The following FKBP6 variants were observed in gnomAD, a reference collection of about 807,000 sequenced individuals.
FKBP6 encodes the protein inactive peptidyl-prolyl cis-trans isomerase FKBP6.
FKBP6 carries 29 observed loss-of-function variants against 41.7 expected under a neutral mutation model. That is an observed-to-expected ratio of 0.70 (90% confidence interval 0.52 to 0.95). The LOEUF is 0.95. Ranked by LOEUF, FKBP6 falls within the 40% of genes least tolerant of loss-of-function variation. The pLI is 0.00. For synonymous variants in FKBP6, 130 were observed against 165.1 expected, an observed-to-expected ratio of 0.79 and a Z score of 1.63; for missense variants, 338 against 408.7, an observed-to-expected ratio of 0.83 and a Z score of 1.49.
At chr7:73,333,305 G>A (rs544175725) in intron 5 of FKBP6, among the ~76,000 whole-genome samples, 18 of 151,862 alleles carry the variant, frequency 1.2e-4, no homozygotes, top group Admixed American at 7.9e-4. Context: ...ACACATGCGT[G>A]TGCTGTCTCT....
At chr7:73,354,359 C>A (rs1805570269) in intron 8 of FKBP6, among the ~76,000 whole-genome samples, 1 of 152,192 alleles carries the variant, frequency 6.6e-6, no homozygotes, top group South Asian at 2.1e-4. Context: ...GTGCAGCAGT[C>A]AGCATGGAGT....
At chr7:73,337,194 G>T in intron 5 of FKBP6, 1 of 170,190 alleles carries the variant, frequency 5.9e-6, no homozygotes, top group Non-Finnish European at 1.3e-5. Flanking sequence ...CAGTTGATGG[G>T]AACTTGCCTG....
At chr7:73,345,288 G>A (rs928501607) in intron 8 of FKBP6, among the ~76,000 whole-genome samples, 3 of 151,840 alleles carry the variant, frequency 2.0e-5, no homozygotes, top group African/African-American at 7.3e-5. Flanking sequence ...AGTTGAGGAG[G>A]AGTTTGGCAG....
intron 5 of FKBP6, chr7:73,336,898 T>C: frequency 2.3e-6 from 1 of 441,218 alleles, no homozygotes; most frequent in Non-Finnish European, 4.6e-6. Context: ...TGACGTTGTA[T>C]ATGATGAAGT....
chr7:73,331,446 C>A (rs189096185), intron 4 of FKBP6, among the ~76,000 whole-genome samples: 2 of 152,332 alleles, frequency 1.3e-5, no homozygotes, highest in East Asian at 3.9e-4. Flanking sequence ...ACACAGAAGG[C>A]TGTAAACAGA....
intron 5 of FKBP6, among the ~76,000 whole-genome samples, chr7:73,336,018 G>A (rs911986801): frequency 6.6e-6 from 1 of 152,192 alleles, no homozygotes; most frequent in Non-Finnish European, 1.5e-5. Context: ...GGTCACACAA[G>A]TATGGGGTTT....
At chr7:73,337,780 G>A (rs1181537965) in intron 5 of FKBP6, among the ~76,000 whole-genome samples, 1 of 151,986 alleles carries the variant, frequency 6.6e-6, no homozygotes, top group East Asian at 1.9e-4. Flanking sequence ...GTGGTTTTTA[G>A]TATATTCACA....
chr7:73,358,462 T>C lies in FKBP6; in HGVS notation c.*284T>C, dbSNP rs1805698667. ...TGTTTTTTTAGACGGAATTAGTCCT[T>C]GGCTTCCCTCCCAGTCCCAGCCCTG... On this transcript the variant is annotated 3_prime_UTR_variant, in exon 9 of 9. Coordinates refer to ENST00000252037, the MANE Select transcript of FKBP6 (RefSeq NM_003602.5). 1 of 152,650 alleles carries C rather than the reference T, an allele frequency of 6.6e-6. No homozygotes were observed. The highest frequency in any genetic ancestry group is 1.5e-5 in the Non-Finnish European group (1 of 68,036). 9.5% of individuals were successfully genotyped at this position (152,650 alleles called of 1,614,324 possible).
intron 8 of FKBP6, among the ~76,000 whole-genome samples, chr7:73,352,226 A>C (rs1321428108): frequency 6.6e-6 from 1 of 152,144 alleles, no homozygotes; most frequent in Non-Finnish European, 1.5e-5. Flanking sequence ...GGCCTCCCAG[A>C]GTGCTGGGAT....
chr7:73,339,267 T>C (rs1805100799), intron 5 of FKBP6: 1 of 152,244 alleles, frequency 6.6e-6, no homozygotes, highest in Non-Finnish European at 1.5e-5. Flanking sequence ...TTGCATCTAG[T>C]GCAAGGTAAA....
At chr7:73,344,349 T>C (rs1040408113) in intron 8 of FKBP6, among the ~76,000 whole-genome samples, 10 of 152,216 alleles carry the variant, frequency 6.6e-5, no homozygotes, top group African/African-American at 2.2e-4. Context: ...GCTGCTGATC[T>C]TCAGATGCTT....
At chr7:73,354,003 G>C (rs1258821695) in intron 8 of FKBP6, among the ~76,000 whole-genome samples, 2 of 151,992 alleles carry the variant, frequency 1.3e-5, no homozygotes. Context: ...CCTAAACCTT[G>C]TTTTTAAACA....
intron 8 of FKBP6, among the ~76,000 whole-genome samples, chr7:73,349,628 C>A (rs59158649): frequency 6.8e-6 from 1 of 147,026 alleles, no homozygotes. Flanking sequence ...GCAGGAGAAT[C>A]TCTTGAACCC....
At chr7:73,337,700 T>A (rs760926941) in intron 5 of FKBP6, among the ~76,000 whole-genome samples, 4 of 152,188 alleles carry the variant, frequency 2.6e-5, no homozygotes, top group Non-Finnish European at 2.9e-5. Context: ...TTTGTTTTAC[T>A]ATTTTTTTTC....
intron 5 of FKBP6, among the ~76,000 whole-genome samples, chr7:73,332,275 G>A (rs997095280): frequency 1.3e-5 from 2 of 152,040 alleles, no homozygotes; most frequent in Non-Finnish European, 2.9e-5. Flanking sequence ...CCTGAGGTCA[G>A]GAGTTTGAGA....
chr7:73,338,595 G>A (rs755554516), intron 5 of FKBP6, among the ~76,000 whole-genome samples: 5 of 152,214 alleles, frequency 3.3e-5, no homozygotes, highest in Non-Finnish European at 7.3e-5. Flanking sequence ...ATTCCCACGA[G>A]TAATGTGCGA....
rs1554549516 is a variant in FKBP6, at chr7:73,341,284, C to G, written c.795C>G (p.Leu265=). The stretch of plus-strand genomic sequence containing the variant: ...TCTCCTTGGGACAGGCTTGTCTTCT[C>G]CTGACTGAGTATCAAAAGGCCCGGG... ...ALFRCGQACL[L]LTEYQKARDF... The change falls in exon 7 of 9, where the codon CTC becomes CTG. Residue 265 remains leucine, a synonymous_variant. Transcript: ENST00000252037. The G allele has an allele frequency of 6.2e-7, 1 of 1,610,070 alleles. No homozygotes were observed. Among genetic ancestry groups the G allele is most frequent in the African/African-American group, 1.3e-5 (1 of 74,960 alleles).
chr7:73,344,558 T>C (rs1391422709), intron 8 of FKBP6, among the ~76,000 whole-genome samples: 1 of 151,634 alleles, frequency 6.6e-6, no homozygotes, highest in Non-Finnish European at 1.5e-5. Context: ...AAAAATCCAG[T>C]CATCTTGACA....
chr7:73,358,395 A>T lies in FKBP6; in HGVS notation c.*217A>T, dbSNP rs1805696408. 1 of 152,536 alleles carries T rather than the reference A, an allele frequency of 6.6e-6. No homozygotes were observed. The highest frequency in any genetic ancestry group is 1.5e-5 in the Non-Finnish European group (1 of 68,026). The allele number at this position is 152,536 out of a possible 1,614,324, so 9.4% of individuals were successfully genotyped here. A position where few individuals can be genotyped will look rare whatever the true frequency, so the allele number is the denominator to read the frequency against. On this transcript the variant is annotated 3_prime_UTR_variant, in exon 9 of 9. Transcript: ENST00000252037. ...ACAGAAGGGAGGGGAAAGCGCAGCTACTGACAAGTAGAACACTGCTACTTT... is the reference window on the plus strand; with the variant it reads ...ACAGAAGGGAGGGGAAAGCGCAGCTTCTGACAAGTAGAACACTGCTACTTT...
Sources: gnomAD v4.1 joint callset for allele counts (sites outside exome capture counted in the v4.1 genomes callset) on GRCh38, gnomAD v4.1.1 for gene constraint, MANE v1.5 for transcripts, NCBI Gene and HGNC (gene_info 2026-07-23, HGNC 2026-07-21) for gene names.